ZNF385D: variants seen among roughly 807,000 people sequenced by gnomAD.
The protein encoded by ZNF385D is zinc finger protein 659.
In ZNF385D, 15 loss-of-function variants were observed where a neutral mutation model predicts 35.8. That is an observed-to-expected ratio of 0.42 (90% CI 0.28 to 0.64). The LOEUF (loss-of-function observed/expected upper bound fraction) is 0.64. Among genes scored for constraint, ZNF385D ranks in the 30% least tolerant of loss-of-function variants. The probability of loss-of-function intolerance (pLI) is 0.23; values close to 1 mark genes in which losing one functional copy is unlikely to be tolerated. For missense variants in ZNF385D, 474 were observed against 494.6 expected (o/e 0.96, Z 0.39); for synonymous variants, 212 against 186.8 (o/e 1.13, Z -1.10).
intron 2 of ZNF385D, among the ~76,000 whole-genome samples, chr3:21,614,161 G>A (rs1207791846): frequency 6.6e-6 from 1 of 152,146 alleles, no homozygotes; most frequent in Non-Finnish European, 1.5e-5. Context: ...TCACAGTTCT[G>A]GAGGCTGCAA....
intron 3 of ZNF385D, among the ~76,000 whole-genome samples, chr3:21,793,414 C>G (rs1227255723): frequency 6.6e-6 from 1 of 152,314 alleles, no homozygotes; most frequent in South Asian, 2.1e-4. Context: ...CAAAGAACAA[C>G]AGATCCTTTG....
In ZNF385D at chr3:21,650,464, T is replaced by C. The variant is rs116816189; in HGVS notation, c.165+14422A>G. On this transcript the variant is annotated intron_variant, in intron 2 of 7. Transcript: ENST00000281523. ...AGTTAAATACAGGCAACATGATACA[T>C]AGATGAGAAAGCAATATCTACGTGC... Among the ~76,000 whole-genome samples the C allele has an allele frequency of 8.3e-3, 1,257 of 152,202 alleles. 18 individuals are homozygous for C. The highest frequency in any genetic ancestry group is 0.029 in the African/African-American group (1,223 of 41,538).
intron 4 of ZNF385D, among the ~76,000 whole-genome samples, chr3:21,446,087 C>G (rs1188002165): frequency 2.0e-5 from 3 of 152,198 alleles, no homozygotes; most frequent in Non-Finnish European, 2.9e-5. Flanking sequence ...GCCCCAGCAT[C>G]AGAGTTTCTG....
intron 3 of ZNF385D, among the ~76,000 whole-genome samples, chr3:22,103,481 T>A (rs746880039): frequency 1.1e-4 from 17 of 152,244 alleles, no homozygotes; most frequent in African/African-American, 3.8e-4. Context: ...TTTCATAAAC[T>A]TGTGTTCTCA....
chr3:22,247,559 T>A (rs1294680503), intron 2 of ZNF385D, among the ~76,000 whole-genome samples: 1 of 152,022 alleles, frequency 6.6e-6, no homozygotes, highest in Non-Finnish European at 1.5e-5. Context: ...TAAAGAGTCT[T>A]TGATTTGTTT....
intron 2 of ZNF385D, among the ~76,000 whole-genome samples, chr3:22,335,769 T>C (rs1458675817): frequency 6.6e-6 from 1 of 152,152 alleles, no homozygotes. Flanking sequence ...ATTTTCCATA[T>C]TTCTATTATA....
chr3:22,360,855 A>C (rs560822203), intron 2 of ZNF385D, among the ~76,000 whole-genome samples: 6 of 152,130 alleles, frequency 3.9e-5, no homozygotes, highest in African/African-American at 1.4e-4. Flanking sequence ...GATGCTATTA[A>C]TCGGGGCGAT....
intron 2 of ZNF385D, among the ~76,000 whole-genome samples, chr3:22,271,389 G>A (rs1390816107): frequency 6.6e-6 from 1 of 151,816 alleles, no homozygotes. Context: ...TCTAATACAA[G>A]ATTTTTCTTC....
chr3:22,036,041 A>T (rs1698295682), intron 3 of ZNF385D, among the ~76,000 whole-genome samples: 1 of 152,186 alleles, frequency 6.6e-6, no homozygotes, highest in Admixed American at 6.6e-5. Flanking sequence ...CCTTGGATAA[A>T]AAGAAGACAA....
At chr3:22,369,653 T>C (rs1340055558) in intron 2 of ZNF385D, among the ~76,000 whole-genome samples, 2 of 152,204 alleles carry the variant, frequency 1.3e-5, no homozygotes, top group African/African-American at 4.8e-5. Flanking sequence ...TCCCAATGGG[T>C]TTATACAAAT....
rs991333462 is a variant in ZNF385D at position 21,783,996 on chromosome 3, A to G, written c.326-118968T>C. ...TTCTTTTTTCTTTTCCTTTTTTTCA[A>G]TCAGGACTCACAGACTGCAGTACAG... On this transcript the variant is annotated intron_variant, in intron 3 of 5. Coordinates refer to the ZNF385D transcript ENST00000494108. Among the ~76,000 whole-genome samples, 7 of 152,058 alleles carry G rather than the reference A, an allele frequency of 4.6e-5. No homozygotes were observed. The South Asian group carries it at 1.2e-3, about 27-fold the overall frequency.
intron 3 of ZNF385D, among the ~76,000 whole-genome samples, chr3:21,863,230 C>G (rs1679229): frequency 6.6e-6 from 1 of 151,890 alleles, no homozygotes; most frequent in Non-Finnish European, 1.5e-5. Flanking sequence ...CTGATAGCTT[C>G]ATTTCTTTTA....
Position 21,664,919 on chromosome 3 carries a change from T to G in ZNF385D, c.132A>C (p.Ala44=). The G allele has an allele frequency of 6.2e-7, 1 of 1,613,748 alleles. No individual in the cohort carries two copies. The highest frequency in any genetic ancestry group is 1.1e-5 in the South Asian group (1 of 91,080). The change falls in exon 2 of 8, where the codon GCA becomes GCC. Residue 44 remains alanine, a synonymous_variant. Transcript: ENST00000281523. ...AATTGGGGAAGAGGTTGACTGCAGC[T>G]GCAGTGTCAAGAGGAAAGGGAAGAA... The part of the protein sequence containing the change: ...KPFLPFPLDT[A]AAVNLFPNFN...
intron 3 of ZNF385D, among the ~76,000 whole-genome samples, chr3:22,038,089 A>G (rs1215457105): frequency 6.6e-6 from 1 of 152,200 alleles, no homozygotes; most frequent in Admixed American, 6.5e-5. Context: ...AAGATGGATT[A>G]AAGACTTAAA....
intron 3 of ZNF385D, among the ~76,000 whole-genome samples, chr3:22,091,428 T>C (rs1205261536): frequency 6.6e-6 from 1 of 152,122 alleles, no homozygotes; most frequent in East Asian, 1.9e-4. Flanking sequence ...AGATAGCACA[T>C]AATCATCAAG....
intron 2 of ZNF385D, among the ~76,000 whole-genome samples, chr3:22,325,023 T>A (rs1000086983): frequency 6.6e-6 from 1 of 152,228 alleles, no homozygotes; most frequent in Admixed American, 6.5e-5. Flanking sequence ...CAGTACGTAC[T>A]TTCTAAGTTT....
chr3:22,065,868 A>G (rs1699921590), intron 3 of ZNF385D, among the ~76,000 whole-genome samples: 1 of 152,110 alleles, frequency 6.6e-6, no homozygotes, highest in Admixed American at 6.5e-5. Flanking sequence ...TGGAAGATCC[A>G]GAAGGGAAAA....
chr3:21,453,994 A>C (rs754836567), intron 4 of ZNF385D, among the ~76,000 whole-genome samples: 3 of 152,150 alleles, frequency 2.0e-5, no homozygotes, highest in Non-Finnish European at 4.4e-5. Context: ...GTATTTCTAT[A>C]AATAGAATAT....
intron 3 of ZNF385D, among the ~76,000 whole-genome samples, chr3:21,809,767 A>G (rs1169598560): frequency 4.0e-5 from 6 of 151,842 alleles, no homozygotes; most frequent in African/African-American, 1.5e-4. Flanking sequence ...TACTAGGTAC[A>G]TTAAAATTGA....
Sources: allele counts gnomAD v4.1 joint callset (sites outside exome capture counted in the v4.1 genomes callset), GRCh38; gene constraint gnomAD v4.1.1; transcripts MANE v1.5; gene names NCBI Gene and HGNC (gene_info 2026-07-23, HGNC 2026-07-21).